Variants in GRM4 observed in about 807,000 individuals in gnomAD.
GRM4 encodes metabotropic glutamate receptor 4.
A neutral mutation model predicts 81.7 loss-of-function variants in GRM4; 28 were observed. The observed-to-expected ratio is 0.34, with a 90% CI of 0.25 to 0.47. The LOEUF (loss-of-function observed/expected upper bound fraction) is 0.47, where lower values mean the gene tolerates loss of function less well. Among genes scored for constraint, GRM4 ranks in the 20% least tolerant of loss-of-function variants. The pLI is 1.00. For synonymous variants in GRM4, 488 were observed against 528.8 expected (o/e 0.92, Z 1.06); for missense variants, 948 against 1,290.0 (o/e 0.73, Z 4.06).
In GRM4 at chr6:34,069,167, TACAC is replaced by T. The variant is rs71000021; in HGVS notation, c.737-7143_737-7140del. On this transcript the variant is annotated intron_variant, in intron 3 of 10. Transcript: ENST00000538487. This position sits in a 1 kb window ranked among gnomAD's most constrained non-coding sequence, Gnocchi z 6.4. ...CTACCCCTGGACCCTCATGGGCGTA[TACAC>T]ACACACACACACACACACACACACA... Among the ~76,000 whole-genome samples, 6,188 of 134,542 alleles carry T rather than the reference TACAC, an allele frequency of 0.046. 129 individuals carry two copies. Among genetic ancestry groups the T allele is most frequent in the African/African-American group, 0.062 (2,081 of 33,786 alleles). The allele number at this position is 134,542 out of a possible 152,430, so 88.3% of individuals were successfully genotyped here. A position where few individuals can be genotyped will look rare whatever the true frequency, so the allele number is the denominator to read the frequency against.
chr6:34,089,905 A>T lies in GRM4; in HGVS notation c.736+1978T>A, dbSNP rs1768112231. Among the ~76,000 whole-genome samples the T allele has an allele frequency of 6.6e-6, 1 of 152,094 alleles. No homozygotes were observed. The highest frequency in any genetic ancestry group is 2.4e-5 in the African/African-American group (1 of 41,414). Reference sequence around the variant, plus strand: ...CTAGCACTTGCACAGGGGCTGGCCCATGTGGGTCTCAGTGAGCACGCAAAT... The same window carrying T: ...CTAGCACTTGCACAGGGGCTGGCCCTTGTGGGTCTCAGTGAGCACGCAAAT... On this transcript the variant is annotated intron_variant, in intron 3 of 10. Transcript: ENST00000538487. This position sits in a 1 kb window ranked among gnomAD's most constrained non-coding sequence, Gnocchi z 4.3.
chr6:34,054,912 T>C (rs1765796973), intron 6 of GRM4: 1 of 152,198 alleles, frequency 6.6e-6, no homozygotes, highest in African/African-American at 2.4e-5. Flanking sequence ...GGAGACAGGA[T>C]GCACGGTCAC....
At position 34,115,241 on chromosome 6, in the gene GRM4, C is replaced by T. The variant is rs563478575; in HGVS notation, c.519+17737G>A. Among the ~76,000 whole-genome samples, 5 of 150,366 alleles carry T rather than the reference C, an allele frequency of 3.3e-5. No homozygotes were observed. In the South Asian group the frequency reaches 6.2e-4, roughly 19 times the overall value. On this transcript the variant is annotated intron_variant, in intron 2 of 10. Transcript: ENST00000538487. This position sits in a 1 kb window ranked among gnomAD's most constrained non-coding sequence, Gnocchi z 4.1. ...CACAGCTTGCATGTGTGCGTGCGTG[C>T]GTGTATGCGTGTGTGTGTGTGTGCA...
chr6:34,083,665 G>A (rs9368793), intron 3 of GRM4, among the ~76,000 whole-genome samples: 100,586 of 152,060 alleles, frequency 0.66, 35,611 homozygotes, highest in Non-Finnish European at 0.79. Flanking sequence ...AAAACACAAC[G>A]TCAGAGGGCA....
At chr6:34,103,058 C>A (rs1768924228) in intron 2 of GRM4, among the ~76,000 whole-genome samples, 1 of 152,232 alleles carries the variant, frequency 6.6e-6, no homozygotes, top group Non-Finnish European at 1.5e-5. Flanking sequence ...TCCCTCACCT[C>A]CTGGGGCCTG....
chr6:34,022,623 C>G lies in GRM4; in HGVS notation c.*198G>C. The G allele has an allele frequency of 8.3e-6, 5 of 604,150 alleles. No individual in the cohort carries two copies. 37.4% of individuals were successfully genotyped at this position (604,150 alleles called of 1,614,324 possible). On this transcript the variant is annotated 3_prime_UTR_variant, in exon 11 of 11. Coordinates refer to ENST00000538487, the MANE Select transcript of GRM4 (RefSeq NM_000841.4). This position sits in a 1 kb window ranked among gnomAD's most constrained non-coding sequence, Gnocchi z 5.6. Reference sequence around the variant, plus strand: ...TGGTAGCCTGGCACCGCCCCGGCCCCTCGTCCTCCTGTTGCTCACCCGGTT... The same window carrying G: ...TGGTAGCCTGGCACCGCCCCGGCCCGTCGTCCTCCTGTTGCTCACCCGGTT...
upstream of GRM4, among the ~76,000 whole-genome samples, chr6:34,149,141 C>G (rs6900891): frequency 6.7e-5 from 10 of 149,358 alleles, no homozygotes; most frequent in Non-Finnish European, 1.0e-4. Context: ...CAACTCCCCC[C>G]CAACCTTTTG....
chr6:34,105,038 A>T (rs1218032652), intron 2 of GRM4, among the ~76,000 whole-genome samples: 1 of 152,106 alleles, frequency 6.6e-6, no homozygotes, highest in Non-Finnish European at 1.5e-5. Context: ...AGGCCGAGAA[A>T]ATTAACCATG....
chr6:34,056,439 C>A (rs907614575), intron 6 of GRM4, 105 bp downstream of exon 6: 1 of 1,069,454 alleles, frequency 9.4e-7, no homozygotes, highest in African/African-American at 1.6e-5. Context: ...CTGCCACGGC[C>A]GGCCGACGAC....
At position 34,121,434 on chromosome 6, in the gene GRM4, G is replaced by A. The variant is rs1485162358; in HGVS notation, c.519+11544C>T. ...GGTTAATGCTGCCCATCCTCCCCTC[G>A]GCCACAACCCCAGGGACAGAGAACG... On this transcript the variant is annotated intron_variant, in intron 2 of 10. Transcript: ENST00000538487. This position sits in a 1 kb window ranked among gnomAD's most constrained non-coding sequence, Gnocchi z 4.6. Among the ~76,000 whole-genome samples the A allele has an allele frequency of 3.3e-5, 5 of 152,020 alleles. No individual in the cohort carries two copies. The highest frequency in any genetic ancestry group is 4.2e-4 in the South Asian group (2 of 4,818).
intron 5 of GRM4, 64 bp from the exon 6 acceptor site, chr6:34,056,748 C>T: frequency 6.4e-6 from 10 of 1,557,374 alleles, no homozygotes; most frequent in South Asian, 3.6e-5. Context: ...CAGCCCTCCC[C>T]GCCTCCCCCA....
chr6:34,038,056 C>T (rs988508221), intron 8 of GRM4, among the ~76,000 whole-genome samples: 6 of 152,068 alleles, frequency 3.9e-5, no homozygotes, highest in Admixed American at 2.6e-4. Context: ...AATGTGGAGG[C>T]GAGACGGTCC....
chr6:34,037,975 C>A (rs1439362010), intron 8 of GRM4, among the ~76,000 whole-genome samples: 1 of 152,054 alleles, frequency 6.6e-6, no homozygotes, highest in East Asian at 1.9e-4. Context: ...TGGCTCTGGG[C>A]ATGACAGGAT....
intron 2 of GRM4, among the ~76,000 whole-genome samples, chr6:34,123,096 C>A (rs1191488613): frequency 1.3e-5 from 2 of 152,182 alleles, no homozygotes; most frequent in African/African-American, 4.8e-5. Flanking sequence ...CCACGTTACC[C>A]AAGGTCACAC....
At chr6:34,103,767 C>A in intron 2 of GRM4, 1 of 1,460,402 alleles carries the variant, frequency 6.8e-7, no homozygotes, top group South Asian at 1.4e-5. Flanking sequence ...GCTGTGTGAC[C>A]TTGGGCAAGT....
At chr6:34,140,647 C>CA (rs1473704670) in intron 1 of GRM4, among the ~76,000 whole-genome samples, 1 of 152,212 alleles carries the variant, frequency 6.6e-6, no homozygotes, top group Non-Finnish European at 1.5e-5. Flanking sequence ...TTGCCTGGAT[C>CA]TCCTCCATCC....
intron 3 of GRM4, among the ~76,000 whole-genome samples, chr6:34,075,125 G>T (rs1767247091): frequency 6.6e-6 from 1 of 152,222 alleles, no homozygotes; most frequent in African/African-American, 2.4e-5. Context: ...TGGGGCTGTG[G>T]CGAGCAGGGC....
At chr6:34,087,813 C>CACACACACAT (rs2127483620) in intron 3 of GRM4, among the ~76,000 whole-genome samples, 1 of 149,132 alleles carries the variant, frequency 6.7e-6, no homozygotes, top group Non-Finnish European at 1.5e-5. Context: ...CACACACACA[C>CACACACACAT]ACACACACAC....
intron 10 of GRM4, among the ~76,000 whole-genome samples, chr6:34,027,168 G>A (rs1179228299): frequency 2.0e-5 from 3 of 152,182 alleles, no homozygotes; most frequent in Non-Finnish European, 4.4e-5. Flanking sequence ...GGACTGGAAA[G>A]AACCAGAGGT....
Sources: allele counts gnomAD v4.1 joint callset (sites outside exome capture counted in the v4.1 genomes callset), GRCh38; gene constraint gnomAD v4.1.1; non-coding constraint Gnocchi (gnomAD v3.1); transcripts MANE v1.5; gene names NCBI Gene and HGNC (gene_info 2026-07-23, HGNC 2026-07-21).